HBS1L: variants seen among roughly 807,000 people sequenced by gnomAD.
HBS1L encodes HBS1-like protein.
Under a neutral mutation model 88.9 loss-of-function variants are expected in HBS1L, and 55 were observed. The ratio of observed to expected loss-of-function variants is 0.62; its 90% confidence interval spans 0.50 to 0.77. HBS1L has a LOEUF of 0.77. Among genes scored for constraint, HBS1L ranks in the 30% least tolerant of loss-of-function variants. HBS1L has a pLI of 0.00. For synonymous variants in HBS1L, 267 were observed against 288.5 expected (o/e 0.93, Z 0.76); for missense variants, 741 against 829.3 (o/e 0.89, Z 1.31).
chr6:134,972,917 C>T (rs1774530467), intron 15 of HBS1L, among the ~76,000 whole-genome samples: 2 of 152,154 alleles, frequency 1.3e-5, no homozygotes, highest in Non-Finnish European at 1.5e-5. Context: ...CTCTCCCACA[C>T]CCCACTACTA....
intron 4 of HBS1L, among the ~76,000 whole-genome samples, chr6:135,015,050 C>CA (rs1397949819): frequency 6.6e-6 from 1 of 151,416 alleles, no homozygotes; most frequent in Non-Finnish European, 1.5e-5. Flanking sequence ...ATCAAATAAA[C>CA]AAAAAACAAC....
chr6:134,969,484 C>A (rs1774420134), intron 15 of HBS1L, 146 bp from the exon 16 acceptor site: 2 of 613,964 alleles, frequency 3.3e-6, no homozygotes, highest in Non-Finnish European at 5.8e-6. Context: ...AGTCCCACCA[C>A]TCTAATCAGG....
intron 4 of HBS1L, among the ~76,000 whole-genome samples, chr6:135,020,731 A>C (rs1776049322): frequency 6.6e-6 from 1 of 152,006 alleles, no homozygotes; most frequent in Admixed American, 6.6e-5. Flanking sequence ...CTTTTCATCC[A>C]GCAATTCCAC....
chr6:135,009,833 G>A (rs1223679742), intron 4 of HBS1L, among the ~76,000 whole-genome samples: 2 of 150,910 alleles, frequency 1.3e-5, no homozygotes, highest in Non-Finnish European at 3.0e-5. Flanking sequence ...TAGTAGAGAT[G>A]GGGTTTCACT....
At chr6:134,987,508 T>C (rs1226148110) in intron 9 of HBS1L, 137 bp downstream of exon 9, 5 of 542,642 alleles carry the variant, frequency 9.2e-6, no homozygotes, top group Middle Eastern at 2.9e-4. Flanking sequence ...TTATTTAAGA[T>C]GAGAACAGAG....
At chr6:134,980,778 A>T (rs1298388363) in intron 13 of HBS1L, among the ~76,000 whole-genome samples, 3 of 152,038 alleles carry the variant, frequency 2.0e-5, no homozygotes, top group African/African-American at 7.2e-5. Context: ...AGTAATTTAG[A>T]ATTTCTATTT....
At chr6:134,968,335 G>A (rs1774378016) in intron 16 of HBS1L, among the ~76,000 whole-genome samples, 2 of 150,976 alleles carry the variant, frequency 1.3e-5, no homozygotes, top group Admixed American at 1.3e-4. Flanking sequence ...TGCAACCTCC[G>A]CCCACCGGGT....
rs148429626 is a variant in HBS1L, at chr6:134,980,529, C to T, written c.1598-1261G>A. 2.9e-3 allele frequency among the ~76,000 whole-genome samples: 446 copies of T among 152,044 alleles called. 2 individuals are homozygous for T. Among genetic ancestry groups the T allele is most frequent in the African/African-American group, 9.7e-3 (403 of 41,526 alleles). Reference sequence around the variant, plus strand: ...TAAAAACAGAAGCTAGGTATTTACACACAATAGAGATTGACTTTGGCTTAA... The same window carrying T: ...TAAAAACAGAAGCTAGGTATTTACATACAATAGAGATTGACTTTGGCTTAA... On this transcript the variant is annotated intron_variant, in intron 13 of 17. Coordinates refer to ENST00000367837, the MANE Select transcript of HBS1L (RefSeq NM_006620.4).
intron 2 of HBS1L, among the ~76,000 whole-genome samples, chr6:135,048,845 G>A: frequency 6.6e-6 from 1 of 152,186 alleles, no homozygotes; most frequent in East Asian, 1.9e-4. Context: ...AAAAGTACTT[G>A]ACCAGAAGAG....
chr6:135,006,948 C>G (rs1467866857), intron 4 of HBS1L, among the ~76,000 whole-genome samples: 1 of 152,088 alleles, frequency 6.6e-6, no homozygotes, highest in Non-Finnish European at 1.5e-5. Context: ...CTCAATCCAG[C>G]CTTTATGACA....
At chr6:135,005,141 T>C (rs1278605242) in intron 4 of HBS1L, among the ~76,000 whole-genome samples, 4 of 152,176 alleles carry the variant, frequency 2.6e-5, no homozygotes, top group Non-Finnish European at 5.9e-5. Flanking sequence ...TTGGTAGAGT[T>C]AGCAAGAGCC....
chr6:135,023,834 T>A (rs1776143471), intron 4 of HBS1L, among the ~76,000 whole-genome samples: 1 of 151,244 alleles, frequency 6.6e-6, no homozygotes, highest in South Asian at 2.1e-4. Context: ...TAAACATTTA[T>A]CAGCTACTTT....
intron 4 of HBS1L, among the ~76,000 whole-genome samples, chr6:135,024,439 C>CAAAAAAAA (rs60663059): frequency 2.1e-4 from 14 of 66,390 alleles, no homozygotes; most frequent in South Asian, 6.8e-4. Flanking sequence ...GACTTCGTCT[C>CAAAAAAAA]AAAAAAAAAA....
intron 2 of HBS1L, 117 bp downstream of exon 2, chr6:135,050,465 A>C: frequency 1.7e-6 from 1 of 596,766 alleles, no homozygotes; most frequent in Non-Finnish European, 2.9e-6. Flanking sequence ...TTAACATATA[A>C]TTAACTTTTT....
In HBS1L at chr6:134,960,577, ATTT is replaced by A. The variant is rs542439653; in HGVS notation, c.*4699_*4701del. 7 of 151,410 alleles carry A rather than the reference ATTT, an allele frequency of 4.6e-5. No homozygotes were observed. The highest frequency in any genetic ancestry group is 5.9e-5 in the Non-Finnish European group (4 of 67,780). 9.4% of individuals were successfully genotyped at this position (151,410 alleles called of 1,614,324 possible). On this transcript the variant is annotated 3_prime_UTR_variant, in exon 18 of 18. Coordinates refer to ENST00000367837, the MANE Select transcript of HBS1L (RefSeq NM_006620.4). Reference sequence around the variant, plus strand: ...TTGTTATTAATATGAAATTCTCTTAATTTTTTTTTACTTGCTTTAAATTCTTTG... The same window carrying A: ...TTGTTATTAATATGAAATTCTCTTAATTTTTTACTTGCTTTAAATTCTTTG...
chr6:134,980,556 C>T (rs1039784076), intron 13 of HBS1L, among the ~76,000 whole-genome samples: 9 of 151,844 alleles, frequency 5.9e-5, no homozygotes, highest in African/African-American at 2.2e-4. Flanking sequence ...TTGGCTTAAA[C>T]ATTTGTAGAT....
intron 4 of HBS1L, among the ~76,000 whole-genome samples, chr6:135,021,758 A>G (rs551173116): frequency 6.6e-6 from 1 of 152,334 alleles, no homozygotes; most frequent in African/African-American, 2.4e-5. Flanking sequence ...CTCTGTTCAA[A>G]TTACAACTGG....
intron 13 of HBS1L, 131 bp downstream of exon 13, chr6:134,982,327 G>A (rs1303686523): frequency 1.6e-6 from 1 of 613,070 alleles, no homozygotes; most frequent in Non-Finnish European, 3.0e-6. Context: ...TCAACAGTCA[G>A]TATCATTTTG....
intron 13 of HBS1L, among the ~76,000 whole-genome samples, chr6:134,981,766 C>T (rs1180737952): frequency 6.6e-6 from 1 of 151,516 alleles, no homozygotes; most frequent in Non-Finnish European, 1.5e-5. Context: ...AAGTTTTAGT[C>T]AAAATCTGGA....
Sources: allele counts gnomAD v4.1 joint callset (sites outside exome capture counted in the v4.1 genomes callset), GRCh38; gene constraint gnomAD v4.1.1; transcripts MANE v1.5; gene names NCBI Gene and HGNC (gene_info 2026-07-23, HGNC 2026-07-21).